ECT2: variants seen among roughly 807,000 people sequenced by gnomAD.
The protein encoded by ECT2 is protein ECT2.
ECT2 carries 61 observed loss-of-function variants against 116.9 expected under a neutral mutation model. The ratio of observed to expected loss-of-function variants is 0.52; its 90% CI spans 0.42 to 0.65. The LOEUF (loss-of-function observed/expected upper bound fraction) is 0.65. Ranked by LOEUF, ECT2 falls within the 30% of genes least tolerant of loss-of-function variation. The pLI is 0.00. For missense variants in ECT2, 937 were observed against 1,078.7 expected (o/e 0.87, Z 1.84); for synonymous variants, 358 against 346.4 (o/e 1.03, Z -0.37).
intron 18 of ECT2, among the ~76,000 whole-genome samples, chr3:172,793,249 T>TC (rs1724998929): frequency 6.6e-6 from 1 of 152,170 alleles, no homozygotes; most frequent in Non-Finnish European, 1.5e-5. Context: ...CACTGCAACC[T>TC]CCGACTCCCT....
the ECT2 span, chr3:172,829,025 C>T: frequency 1.2e-6 from 1 of 837,734 alleles, no homozygotes; most frequent in Non-Finnish European, 2.0e-6. Flanking sequence ...TCCTGTCTGG[C>T]CACCTGGAGT....
chr3:172,793,960 G>A (rs538535838), intron 18 of ECT2, among the ~76,000 whole-genome samples: 1 of 151,222 alleles, frequency 6.6e-6, no homozygotes, highest in East Asian at 1.9e-4. Context: ...TTTTGTAATT[G>A]AATTTTGAGA....
intron 21 of ECT2, among the ~76,000 whole-genome samples, chr3:172,806,754 C>G (rs1430359172): frequency 1.3e-5 from 2 of 149,614 alleles, no homozygotes; most frequent in Non-Finnish European, 3.0e-5. Context: ...GATTCTCCTG[C>G]CTCAGCCTCC....
At chr3:172,767,795 G>T (rs1361042554) in intron 12 of ECT2, among the ~76,000 whole-genome samples, 2 of 151,188 alleles carry the variant, frequency 1.3e-5, no homozygotes, top group South Asian at 4.2e-4. Context: ...GTGGTGGCAG[G>T]ATCTAGGCTC....
At chr3:172,795,690 A>G (rs992310271) in intron 18 of ECT2, among the ~76,000 whole-genome samples, 1 of 152,212 alleles carries the variant, frequency 6.6e-6, no homozygotes, top group Admixed American at 6.5e-5. Flanking sequence ...TAAAAAATTT[A>G]TGTAACTGTA....
At chr3:172,796,657 A>C (rs1250054918) in intron 18 of ECT2, 4 of 152,088 alleles carry the variant, frequency 2.6e-5, no homozygotes, top group Non-Finnish European at 5.9e-5. Flanking sequence ...ATTTAAAATT[A>C]TTTTAATTAA....
chr3:172,804,828 A>T (rs1426508974), intron 20 of ECT2, among the ~76,000 whole-genome samples: 1 of 151,804 alleles, frequency 6.6e-6, no homozygotes, highest in African/African-American at 2.4e-5. Flanking sequence ...AATTTCTGGT[A>T]TTGGTCTCCT....
downstream of ECT2, among the ~76,000 whole-genome samples, chr3:172,825,281 T>C (rs1330926747): frequency 6.6e-6 from 1 of 151,966 alleles, no homozygotes; most frequent in African/African-American, 2.4e-5. Flanking sequence ...TTCTCCAGTC[T>C]CTCCCTCTGC....
At chr3:172,764,702 A>T (rs879737204) in intron 12 of ECT2, among the ~76,000 whole-genome samples, 9 of 152,212 alleles carry the variant, frequency 5.9e-5, no homozygotes, top group Non-Finnish European at 1.3e-4. Context: ...TAAATGCTTT[A>T]TACGTTTTGT....
chr3:172,772,328 G>A (rs1720810201), intron 13 of ECT2, among the ~76,000 whole-genome samples: 1 of 152,112 alleles, frequency 6.6e-6, no homozygotes, highest in Non-Finnish European at 1.5e-5. Flanking sequence ...GAGTAGCTGG[G>A]ACTACAGGCA....
chr3:172,811,319 CCTAT>C (rs1367145466), intron 22 of ECT2, among the ~76,000 whole-genome samples: 1 of 152,054 alleles, frequency 6.6e-6, no homozygotes, highest in Non-Finnish European at 1.5e-5. Flanking sequence ...TGTGATTTAC[CCTAT>C]CTACCTTCCT....
intron 13 of ECT2, among the ~76,000 whole-genome samples, chr3:172,769,681 AAAGTT>A (rs1195821874): frequency 2.0e-5 from 3 of 152,188 alleles, no homozygotes; most frequent in African/African-American, 7.2e-5. Context: ...AATGTACTAT[AAAGTT>A]ATTTCTGAAG....
chr3:172,768,926 C>A, intron 12 of ECT2, 81 bp from the exon 13 acceptor site: 1 of 1,396,610 alleles, frequency 7.2e-7, no homozygotes, highest in Non-Finnish European at 9.5e-7. Flanking sequence ...GTTTTCTCTC[C>A]TTTTTATCTT....
At chr3:172,828,675 C>G in the ECT2 span, 1 of 366,414 alleles carries the variant, frequency 2.7e-6, no homozygotes, top group Non-Finnish European at 5.1e-6. Flanking sequence ...CACCCCAGCA[C>G]CAGGAATGGC....
chr3:172,767,906 A>G (rs1330344044), intron 12 of ECT2, among the ~76,000 whole-genome samples: 2 of 151,868 alleles, frequency 1.3e-5, no homozygotes, highest in African/African-American at 2.4e-5. Flanking sequence ...TAATTTTTGT[A>G]TTTTTAGTAG....
intron 12 of ECT2, among the ~76,000 whole-genome samples, chr3:172,766,803 T>TGAGAATG (rs1205064172): frequency 6.6e-6 from 1 of 152,178 alleles, no homozygotes; most frequent in African/African-American, 2.4e-5. Flanking sequence ...TGATTAGATC[T>TGAGAATG]GAGAATGTAC....
At chr3:172,756,739 C>T (rs1717061800) in intron 4 of ECT2, among the ~76,000 whole-genome samples, 1 of 151,866 alleles carries the variant, frequency 6.6e-6, no homozygotes. Context: ...CTTTATAATA[C>T]TGATCTTTAA....
Position 172,816,681 on chromosome 3 carries a change from T to A in ECT2, c.2509-10T>A. ...TGTCTAGGTTTAACTAATTGTAACT[T>A]AAACTCTAGGTTACAAGAGCATTCT... is the stretch of plus-strand genomic sequence containing the variant. On this transcript the variant is annotated splice_polypyrimidine_tract_variant and intron_variant, in intron 23 of 24. Coordinates refer to ENST00000392692, the MANE Select transcript of ECT2 (RefSeq NM_001258315.2). The A allele has an allele frequency of 6.3e-7, 1 of 1,580,760 alleles. No individual in the cohort carries two copies. Among genetic ancestry groups the A allele is most frequent in the Non-Finnish European group, 8.6e-7 (1 of 1,158,550 alleles).
rs1455008315 is a variant in ECT2, at chr3:172,815,645, A to G, written c.2442A>G (p.Val814=). The part of the protein sequence containing the change: ...IYTADPESFE[V]NTKDMDSTLS... ...CTGCTGATCCAGAATCCTTTGAAGT[A>G]AATACAAAAGATATGGACAGTACAT... is the stretch of plus-strand genomic sequence containing the variant. Residue 814 remains valine (V), a synonymous_variant, in exon 23 of 25, where the codon GTA becomes GTG. Transcript: ENST00000392692. 1.1e-5 allele frequency: 18 copies of G among 1,601,838 alleles called. No individual in the cohort carries two copies. The highest frequency in any genetic ancestry group is 1.5e-5 in the Non-Finnish European group (18 of 1,174,874).
Sources: allele counts gnomAD v4.1 joint callset (sites outside exome capture counted in the v4.1 genomes callset), GRCh38; gene constraint gnomAD v4.1.1; transcripts MANE v1.5; gene names NCBI Gene and HGNC (gene_info 2026-07-23, HGNC 2026-07-21).